Variants in NAA30 observed in about 807,000 individuals in gnomAD.
The protein encoded by NAA30 is N-alpha-acetyltransferase 30, NatC catalytic subunit.
NAA30 carries 5 observed loss-of-function variants against 31.4 expected under a neutral mutation model. The ratio of observed to expected loss-of-function variants is 0.16; its 90% CI spans 0.08 to 0.33. NAA30 has a LOEUF of 0.33. NAA30 is among the 10% of genes least tolerant of loss of function. The pLI is 1.00. For missense variants in NAA30, 428 were observed against 490.8 expected, an observed-to-expected ratio of 0.87 and a Z score of 1.21; for synonymous variants, 222 against 207.1, an observed-to-expected ratio of 1.07 and a Z score of -0.62.
Position 57,391,191 on chromosome 14 carries a change from G to C in NAA30, c.234G>C (p.Pro78=), listed in dbSNP as rs185165873. The part of the protein sequence containing the change: ...GHPCLRCPQP[P]QEQQQLNGLI... The stretch of plus-strand genomic sequence containing the variant: ...CGTGCCTCCGCTGCCCTCAGCCGCC[G>C]CAGGAGCAGCAGCAGCTCAACGGAT... The change falls in exon 2 of 5, where the codon CCG becomes CCC. Residue 78 remains proline, a synonymous_variant. Transcript: ENST00000556492. This position sits in a 1 kb window ranked among gnomAD's most constrained non-coding sequence, Gnocchi z 4.1. 385 of 1,611,052 alleles carry C rather than the reference G, an allele frequency of 2.4e-4. 1 individual carries two copies. In the African/African-American group the frequency reaches 4.3e-3, roughly 18 times the overall value.
chr14:57,395,786 C>T (rs1406670949), intron 2 of NAA30, among the ~76,000 whole-genome samples: 2 of 152,044 alleles, frequency 1.3e-5, no homozygotes, highest in Non-Finnish European at 2.9e-5. Flanking sequence ...TCAGGAGTAT[C>T]CTAAAAATGA....
Position 57,391,717 on chromosome 14 carries a change from C to T in NAA30, c.760C>T (p.Leu254=). 1 of 1,604,700 alleles carries T rather than the reference C, an allele frequency of 6.2e-7. No individual in the cohort carries two copies. The highest frequency in any genetic ancestry group is 8.5e-7 in the Non-Finnish European group (1 of 1,174,394). The change falls in exon 2 of 5, where the codon CTG becomes TTG. Residue 254 remains leucine (L), a synonymous_variant. Transcript: ENST00000556492. The surrounding 1 kb of genome is among the most constrained non-coding windows in gnomAD (Gnocchi z 4.1). Reference sequence around the variant, plus strand: ...ATATTTTATCCACAACTGGCCACAGCTGTGCTTCTTGGTAAGTGGATAGAA... The same window carrying T: ...ATATTTTATCCACAACTGGCCACAGTTGTGCTTCTTGGTAAGTGGATAGAA... ...YRYFIHNWPQ[L]CFLAMVGEEC...
At chr14:57,402,742 G>T (rs1342307987) in intron 4 of NAA30, among the ~76,000 whole-genome samples, 1 of 152,272 alleles carries the variant, frequency 6.6e-6, no homozygotes, top group East Asian at 1.9e-4. Context: ...CTTTTAAAGG[G>T]TTTAGAAATT....
chr14:57,391,097 A>C lies in NAA30; in HGVS notation c.140A>C (p.Glu47Ala). The change falls in exon 2 of 5, where the codon GAG (glutamate) becomes GCG (alanine). Residue 47 changes from glutamate to alanine, a missense_variant. Physicochemically the swap from Glu to Ala is moderately radical, Grantham distance 107 (BLOSUM62 -1). Coordinates refer to ENST00000556492, the MANE Select transcript of NAA30 (RefSeq NM_001011713.3). The surrounding 1 kb of genome is among the most constrained non-coding windows in gnomAD (Gnocchi z 4.1). ...AGCGAGGACGAGGAGGACGACGAAG[A>C]GCACGAAGGCGGCGGCAGCAGGAGC... is the stretch of plus-strand genomic sequence containing the variant. ...CCSEDEEDDE[E>A]HEGGGSRSPA... The C allele has an allele frequency of 6.4e-7, 1 of 1,563,868 alleles. No individual in the cohort carries two copies. The highest frequency in any genetic ancestry group is 1.2e-5 in the South Asian group (1 of 83,710).
chr14:57,391,180 C>T lies in NAA30; in HGVS notation c.223C>T (p.Pro75Ser). Residue 75 changes from proline to serine, a missense_variant, in exon 2 of 5, where the codon CCT (proline) becomes TCT (serine). Physicochemically the swap from Pro to Ser is moderately conservative, Grantham distance 74. This residue lies in a region of NAA30 where 349 missense variants were observed against 310.4 expected (regional missense o/e 1.12). Transcript: ENST00000556492. This position sits in a 1 kb window ranked among gnomAD's most constrained non-coding sequence, Gnocchi z 4.1. ...AAKGHPCLRC[P>S]QPPQEQQQLN... ...CAAGGGGCATCCGTGCCTCCGCTGCCCTCAGCCGCCGCAGGAGCAGCAGCA... is the reference window on the plus strand; with the variant it reads ...CAAGGGGCATCCGTGCCTCCGCTGCTCTCAGCCGCCGCAGGAGCAGCAGCA... 6 of 1,610,330 alleles carry T rather than the reference C, an allele frequency of 3.7e-6. No individual in the cohort carries two copies. Among genetic ancestry groups the T allele is most frequent in the Non-Finnish European group, 5.1e-6 (6 of 1,179,526 alleles).
At position 57,412,531 on chromosome 14, in the gene NAA30, T is replaced by G. The variant is rs181925373; in HGVS notation, c.*3015T>G. The G allele has an allele frequency of 4.6e-5, 7 of 152,346 alleles. No individual in the cohort carries two copies. Among genetic ancestry groups the G allele is most frequent in the Admixed American group, 4.6e-4 (7 of 15,308 alleles). The allele number at this position is 152,346 out of a possible 1,614,324, so 9.4% of individuals were successfully genotyped here. On this transcript the variant is annotated 3_prime_UTR_variant, in exon 5 of 5. Coordinates refer to ENST00000556492, the MANE Select transcript of NAA30 (RefSeq NM_001011713.3). ...TGTAATGTTACAGGGCTTTCAGGTTTGTAAAAACATAACCATAAATTATAT... is the reference window on the plus strand; with the variant it reads ...TGTAATGTTACAGGGCTTTCAGGTTGGTAAAAACATAACCATAAATTATAT...
intron 4 of NAA30, among the ~76,000 whole-genome samples, chr14:57,403,976 G>A (rs1350029127): frequency 6.6e-6 from 1 of 152,122 alleles, no homozygotes; most frequent in East Asian, 1.9e-4. Flanking sequence ...CTTAATCTCT[G>A]AAAACTTCAA....
chr14:57,400,886 GTTTTTTTTTGT>G (rs2066473134), intron 4 of NAA30, among the ~76,000 whole-genome samples: 1 of 89,388 alleles, frequency 1.1e-5, no homozygotes, highest in African/African-American at 3.3e-5. Context: ...TTGTTGTGGG[GTTTTTTTTTGT>G]TTTTTTTTTG....
Position 57,410,387 on chromosome 14 carries a change from TTTTTC to T in NAA30, c.*876_*880del, listed in dbSNP as rs1287104458. 6.6e-6 allele frequency: 1 copy of T among 152,576 alleles called. No homozygotes were observed. The highest frequency in any genetic ancestry group is 2.4e-5 in the African/African-American group (1 of 41,440). 9.5% of individuals were successfully genotyped at this position (152,576 alleles called of 1,614,324 possible). ...GGGAATTGCTGGGGTTTAGATGCACTTTTTCTTTTGAGAGTAAGGGAAGTTTTGGA... is the reference window on the plus strand; with the variant it reads ...GGGAATTGCTGGGGTTTAGATGCACTTTTTGAGAGTAAGGGAAGTTTTGGA... On this transcript the variant is annotated 3_prime_UTR_variant, in exon 5 of 5. Transcript: ENST00000556492.
rs138775751 is a variant in NAA30 at position 57,411,503 on chromosome 14, A to G, written c.*1987A>G. The G allele has an allele frequency of 2.6e-5, 4 of 152,288 alleles. No homozygotes were observed. Among genetic ancestry groups the G allele is most frequent in the African/African-American group, 7.2e-5 (3 of 41,588 alleles). The allele number at this position is 152,288 out of a possible 1,614,324, so 9.4% of individuals were successfully genotyped here. On this transcript the variant is annotated 3_prime_UTR_variant, in exon 5 of 5. Transcript: ENST00000556492. ...GGTTGATGAACATATATTTGCTTAAATCACTAATAGGGATGGTTGTAAAGT... is the reference window on the plus strand; with the variant it reads ...GGTTGATGAACATATATTTGCTTAAGTCACTAATAGGGATGGTTGTAAAGT...
In NAA30 at chr14:57,391,011, G is replaced by T. The variant is rs757029590; in HGVS notation, c.54G>T (p.Pro18=). 3.3e-6 allele frequency: 5 copies of T among 1,496,774 alleles called. No homozygotes were observed. The highest frequency in any genetic ancestry group is 4.4e-6 in the Non-Finnish European group (5 of 1,131,450). 92.7% of individuals were successfully genotyped at this position (1,496,774 alleles called of 1,614,324 possible). Residue 18 remains proline (P), a synonymous_variant, in exon 2 of 5, where the codon CCG becomes CCT. Coordinates refer to ENST00000556492, the MANE Select transcript of NAA30 (RefSeq NM_001011713.3). The surrounding 1 kb of genome is among the most constrained non-coding windows in gnomAD (Gnocchi z 4.1). ...PSSLLPPPAP[P]APAAVEPRCP... The stretch of plus-strand genomic sequence containing the variant: ...GCCTCCTCCCACCACCAGCACCTCC[G>T]GCCCCGGCGGCGGTCGAGCCCCGCT...
At chr14:57,405,040 T>C (rs1462817393) in intron 4 of NAA30, among the ~76,000 whole-genome samples, 1 of 152,246 alleles carries the variant, frequency 6.6e-6, no homozygotes, top group Non-Finnish European at 1.5e-5. Context: ...TGCGGCAGAC[T>C]GTTTACAATC....
At position 57,411,232 on chromosome 14, in the gene NAA30, TTTATA is replaced by T. The variant is rs978198672; in HGVS notation, c.*1719_*1723del. On this transcript the variant is annotated 3_prime_UTR_variant, in exon 5 of 5. Coordinates refer to ENST00000556492, the MANE Select transcript of NAA30 (RefSeq NM_001011713.3). Reference sequence around the variant, plus strand: ...TATTTTTAAAGAAAATGTTTTCCTTTTTATATTGCTCTTGAAAGTTTAATGAGCAG... The same window carrying T: ...TATTTTTAAAGAAAATGTTTTCCTTTTTGCTCTTGAAAGTTTAATGAGCAG... The T allele has an allele frequency of 2.6e-5, 4 of 152,130 alleles. No homozygotes were observed. The highest frequency in any genetic ancestry group is 9.7e-5 in the African/African-American group (4 of 41,448). The allele number at this position is 152,130 out of a possible 1,614,324, so 9.4% of individuals were successfully genotyped here. A position where few individuals can be genotyped will look rare whatever the true frequency, so the allele number is the denominator to read the frequency against.
At chr14:57,405,279 CTT>C (rs942635045) in intron 4 of NAA30, among the ~76,000 whole-genome samples, 3 of 152,110 alleles carry the variant, frequency 2.0e-5, no homozygotes, top group Admixed American at 2.0e-4. Context: ...TTTGAAATAA[CTT>C]ATACTTTTCT....
At chr14:57,401,067 C>A (rs1566550052) in intron 4 of NAA30, among the ~76,000 whole-genome samples, 1 of 152,112 alleles carries the variant, frequency 6.6e-6, no homozygotes, top group Non-Finnish European at 1.5e-5. Context: ...GAAATGCTTT[C>A]TCTCATTTTT....
At chr14:57,401,087 C>T (rs2066474919) in intron 4 of NAA30, among the ~76,000 whole-genome samples, 1 of 152,012 alleles carries the variant, frequency 6.6e-6, no homozygotes, top group African/African-American at 2.4e-5. Flanking sequence ...TTAAACACAC[C>T]TATGTGCAAA....
rs368183579 is a variant in NAA30, at chr14:57,405,960, C to CT, written c.952-3418dup. On this transcript the variant is annotated intron_variant, in intron 4 of 4. Coordinates refer to ENST00000556492, the MANE Select transcript of NAA30 (RefSeq NM_001011713.3). ...TTTTTCTGTTAGGTAGAATTCAACTCTGTCAAGTTTCTTTAGGACCAAAAT... is the reference window on the plus strand; with the variant it reads ...TTTTTCTGTTAGGTAGAATTCAACTCTTGTCAAGTTTCTTTAGGACCAAAAT... Among the ~76,000 whole-genome samples, 326 of 152,244 alleles carry CT rather than the reference C, an allele frequency of 2.1e-3. 1 individual carries two copies. The highest frequency in any genetic ancestry group is 7.1e-3 in the African/African-American group (294 of 41,550).
intron 1 of NAA30, 68 bp from the exon 2 acceptor site, chr14:57,390,889 C>A: frequency 7.0e-7 from 1 of 1,430,742 alleles, no homozygotes; most frequent in South Asian, 1.7e-5. Context: ...CCCCATCCGT[C>A]GCCCCCTGTT....
At position 57,411,473 on chromosome 14, in the gene NAA30, A is replaced by T. The variant is rs549205481; in HGVS notation, c.*1957A>T. 6.6e-6 allele frequency: 1 copy of T among 152,196 alleles called. No homozygotes were observed. The highest frequency in any genetic ancestry group is 6.5e-5 in the Admixed American group (1 of 15,284). The allele number at this position is 152,196 out of a possible 1,614,324, so 9.4% of individuals were successfully genotyped here. ...TTATATTTGACTTGCTGGTTGATAC[A>T]TAATGGTTGATGAACATATATTTGC... On this transcript the variant is annotated 3_prime_UTR_variant, in exon 5 of 5. Coordinates refer to ENST00000556492, the MANE Select transcript of NAA30 (RefSeq NM_001011713.3).
Sources: gnomAD v4.1 joint callset for allele counts (sites outside exome capture counted in the v4.1 genomes callset) on GRCh38, gnomAD v4.1.1 for gene constraint, gnomAD v4.1.1 regional missense constraint, Gnocchi (gnomAD v3.1) non-coding constraint, MANE v1.5 for transcripts, NCBI Gene and HGNC (gene_info 2026-07-23, HGNC 2026-07-21) for gene names.